Variants in TOX observed in about 807,000 individuals in gnomAD.
TOX encodes thymocyte selection-associated high mobility group box protein TOX.
TOX carries 11 observed loss-of-function variants against 53.7 expected under a neutral mutation model. The ratio of observed to expected loss-of-function variants is 0.20; its 90% CI spans 0.13 to 0.34. The LOEUF (loss-of-function observed/expected upper bound fraction) is 0.34. TOX is among the 10% of genes least tolerant of loss of function. TOX has a pLI of 1.00. For missense variants in TOX, 570 were observed against 664.6 expected, an observed-to-expected ratio of 0.86 and a Z score of 1.56; for synonymous variants, 225 against 245.3, an observed-to-expected ratio of 0.92 and a Z score of 0.77.
At chr8:58,823,615 T>A (rs946054877) in intron 6 of TOX, among the ~76,000 whole-genome samples, 17 of 152,250 alleles carry the variant, frequency 1.1e-4, no homozygotes, top group Admixed American at 6.5e-5. Context: ...GGTCATTGAT[T>A]GCTCTTATTT....
intron 3 of TOX, among the ~76,000 whole-genome samples, chr8:58,915,247 C>T (rs1336595161): frequency 1.4e-5 from 2 of 146,656 alleles, no homozygotes; most frequent in Non-Finnish European, 3.0e-5. Context: ...CCTCTGGGGG[C>T]AGGGCACAGA....
intron 2 of TOX, among the ~76,000 whole-genome samples, chr8:58,951,448 C>A (rs1812619173): frequency 6.6e-6 from 1 of 151,986 alleles, no homozygotes; most frequent in Non-Finnish European, 1.5e-5. Flanking sequence ...TCTTTCAAAG[C>A]AAGAAGTTTC....
chr8:58,981,211 T>A lies in TOX; in HGVS notation c.103-21203A>T, dbSNP rs540190367. Among the ~76,000 whole-genome samples, 5 of 152,304 alleles carry A rather than the reference T, an allele frequency of 3.3e-5. No individual in the cohort carries two copies. The East Asian group carries it at 5.8e-4, about 18-fold the overall frequency. On this transcript the variant is annotated intron_variant, in intron 1 of 8. Transcript: ENST00000361421. Reference sequence around the variant, plus strand: ...ATTTCTGGCTCTGATTAGAACTTCCTACCCTCCCACAACTTCCATTCTTTA... The same window carrying A: ...ATTTCTGGCTCTGATTAGAACTTCCAACCCTCCCACAACTTCCATTCTTTA...
rs768072284 is a variant in TOX at position 58,865,827 on chromosome 8, CTTT to C, written c.412-14025_412-14023del. Among the ~76,000 whole-genome samples the C allele has an allele frequency of 5.3e-3, 483 of 91,294 alleles. 2 individuals are homozygous for C. The highest frequency in any genetic ancestry group is 0.018 in the African/African-American group (434 of 24,320). The allele number at this position is 91,294 out of a possible 152,430, so 59.9% of individuals were successfully genotyped here. The stretch of plus-strand genomic sequence containing the variant: ...TTCTTAATTATGGTAATGACAGTGG[CTTT>C]TTTTTTTTTTTTTTTTTGTCCTGAG... On this transcript the variant is annotated intron_variant, in intron 3 of 8. Transcript: ENST00000361421.
intron 1 of TOX, among the ~76,000 whole-genome samples, chr8:59,056,522 C>T (rs1273725672): frequency 6.6e-6 from 1 of 151,040 alleles, no homozygotes; most frequent in Non-Finnish European, 1.5e-5. Context: ...GTAAGATGAC[C>T]CCTTAGTAAA....
intron 1 of TOX, among the ~76,000 whole-genome samples, chr8:58,999,254 C>A (rs896552459): frequency 6.6e-6 from 1 of 151,794 alleles, no homozygotes; most frequent in African/African-American, 2.4e-5. Context: ...TAAAAAGGAA[C>A]CTGATGAAAG....
Position 58,815,575 on chromosome 8 carries a change from T to C in TOX, c.1155A>G (p.Leu385=), listed in dbSNP as rs770469556. 111 of 1,613,998 alleles carry C rather than the reference T, an allele frequency of 6.9e-5. 1 individual carries two copies. Among genetic ancestry groups the C allele is most frequent in the Non-Finnish European group, 8.5e-6 (10 of 1,180,016 alleles). Residue 385 remains leucine (L), a synonymous_variant, in exon 7 of 9, where the codon CTA becomes CTG. Transcript: ENST00000361421. ...TGGGGAGACTAGGATGCATGGCAGT[T>C]AGGTGAGGATTCATTCCCGGTTGTT... The part of the protein sequence containing the change: ...YHQQPGMNPH[L]TAMHPSLPRN...
At chr8:59,083,233 A>G (rs1046143409) in intron 1 of TOX, among the ~76,000 whole-genome samples, 36 of 152,326 alleles carry the variant, frequency 2.4e-4, no homozygotes, top group African/African-American at 8.7e-4. Context: ...GCACTTTGTA[A>G]ATTTTTCATC....
intron 7 of TOX, among the ~76,000 whole-genome samples, chr8:58,812,196 C>T (rs982339436): frequency 1.3e-5 from 2 of 152,196 alleles, no homozygotes; most frequent in East Asian, 3.9e-4. Flanking sequence ...CAGACTGTGG[C>T]GGTGGCAATA....
chr8:59,060,116 T>G (rs138221596), intron 1 of TOX, among the ~76,000 whole-genome samples: 1 of 152,206 alleles, frequency 6.6e-6, no homozygotes. Context: ...AGGATGCTAT[T>G]ACCTTATCAT....
chr8:59,007,273 AT>A (rs1050990504), intron 1 of TOX, among the ~76,000 whole-genome samples: 1 of 151,308 alleles, frequency 6.6e-6, no homozygotes, highest in African/African-American at 2.4e-5. Flanking sequence ...ACTTTATGTC[AT>A]TTGACATAGT....
chr8:58,829,701 T>G (rs1810421466), intron 5 of TOX, among the ~76,000 whole-genome samples: 1 of 152,136 alleles, frequency 6.6e-6, no homozygotes, highest in African/African-American at 2.4e-5. Flanking sequence ...TGTTACCTTC[T>G]AAAATTGGAC....
chr8:58,873,743 T>C (rs1041860873), intron 3 of TOX, among the ~76,000 whole-genome samples: 3 of 152,086 alleles, frequency 2.0e-5, no homozygotes, highest in African/African-American at 4.8e-5. Context: ...ACTAAACTTA[T>C]ACTAAACATC....
intron 1 of TOX, among the ~76,000 whole-genome samples, chr8:59,094,158 T>G (rs1440217623): frequency 6.6e-6 from 1 of 152,162 alleles, no homozygotes; most frequent in African/African-American, 2.4e-5. Flanking sequence ...AGATAAATAT[T>G]TATGCTTAAA....
chr8:58,861,688 C>T (rs556330672), intron 3 of TOX, among the ~76,000 whole-genome samples: 2 of 152,224 alleles, frequency 1.3e-5, no homozygotes, highest in East Asian at 1.9e-4. Context: ...CTGGGAGTAG[C>T]GGATCACTTA....
At chr8:58,990,543 G>T (rs1349295782) in intron 1 of TOX, among the ~76,000 whole-genome samples, 3 of 151,968 alleles carry the variant, frequency 2.0e-5, no homozygotes, top group Non-Finnish European at 2.9e-5. Context: ...TCCCAACAAG[G>T]TTTCCTCTAC....
intron 1 of TOX, among the ~76,000 whole-genome samples, chr8:59,048,309 T>TA (rs770096806): frequency 1.3e-4 from 20 of 152,198 alleles, no homozygotes; most frequent in Non-Finnish European, 2.2e-4. Context: ...ACCAAACTAT[T>TA]AGATTGTGTT....
intron 2 of TOX, among the ~76,000 whole-genome samples, chr8:58,959,286 A>C (rs1034210631): frequency 3.2e-4 from 48 of 152,242 alleles, no homozygotes; most frequent in Non-Finnish European, 5.9e-5. Flanking sequence ...AGTATCTAAA[A>C]ATAAATAGTC....
intron 1 of TOX, among the ~76,000 whole-genome samples, chr8:59,108,287 C>G (rs1253901653): frequency 6.6e-6 from 1 of 152,172 alleles, no homozygotes; most frequent in African/African-American, 2.4e-5. Flanking sequence ...CAGAGTTGTC[C>G]TCAACACACC....
Sources: allele counts gnomAD v4.1 joint callset (sites outside exome capture counted in the v4.1 genomes callset), GRCh38; gene constraint gnomAD v4.1.1; transcripts MANE v1.5; gene names NCBI Gene and HGNC (gene_info 2026-07-23, HGNC 2026-07-21).